Variants in ZNF385D observed in about 807,000 individuals in gnomAD.
The protein encoded by ZNF385D is zinc finger protein 659.
Under a neutral mutation model 35.8 loss-of-function variants are expected in ZNF385D, and 15 were observed. The ratio of observed to expected loss-of-function variants is 0.42; its 90% CI spans 0.28 to 0.64. The LOEUF (loss-of-function observed/expected upper bound fraction) is 0.64, where lower values mean the gene tolerates loss of function less well. Among genes scored for constraint, ZNF385D ranks in the 30% least tolerant of loss-of-function variants. The pLI is 0.23. For missense variants in ZNF385D, 474 were observed against 494.6 expected (o/e 0.96, Z 0.39); for synonymous variants, 212 against 186.8 (o/e 1.13, Z -1.10).
intron 3 of ZNF385D, among the ~76,000 whole-genome samples, chr3:22,082,807 G>A (rs920867707): frequency 3.9e-5 from 6 of 152,112 alleles, no homozygotes; most frequent in East Asian, 1.9e-4. Flanking sequence ...AGTAGGGGCC[G>A]ACTGACACCT....
intron 3 of ZNF385D, among the ~76,000 whole-genome samples, chr3:22,107,813 G>A (rs1365549993): frequency 6.6e-6 from 1 of 151,820 alleles, no homozygotes; most frequent in Non-Finnish European, 1.5e-5. Flanking sequence ...GCTTGTTTAT[G>A]TCTATATTTA....
At chr3:21,509,201 TAA>T (rs1042322524) in intron 4 of ZNF385D, among the ~76,000 whole-genome samples, 5 of 152,140 alleles carry the variant, frequency 3.3e-5, no homozygotes, top group African/African-American at 1.2e-4. Context: ...ATTGTTGATT[TAA>T]AAAGTCTAAA....
intron 3 of ZNF385D, among the ~76,000 whole-genome samples, chr3:22,033,166 C>T (rs1698104562): frequency 6.6e-6 from 1 of 152,034 alleles, no homozygotes. Flanking sequence ...CTTTAGGAGG[C>T]TGAGGCAGGT....
chr3:21,980,796 T>C (rs921672451), intron 3 of ZNF385D, among the ~76,000 whole-genome samples: 3 of 152,174 alleles, frequency 2.0e-5, no homozygotes, highest in African/African-American at 7.2e-5. Flanking sequence ...GGCTCCCACT[T>C]ATAAGTGAGA....
chr3:21,823,614 T>C (rs186569071), intron 3 of ZNF385D, among the ~76,000 whole-genome samples: 4 of 152,302 alleles, frequency 2.6e-5, no homozygotes, highest in East Asian at 3.9e-4. Context: ...GGTGATAATT[T>C]TGCACACAGT....
chr3:22,042,023 T>A (rs941332764), intron 3 of ZNF385D, among the ~76,000 whole-genome samples: 1 of 152,182 alleles, frequency 6.6e-6, no homozygotes, highest in Non-Finnish European at 1.5e-5. Flanking sequence ...TGTGTTTTAA[T>A]AGGAGAAACA....
chr3:21,826,774 C>T (rs1694664272), intron 3 of ZNF385D, among the ~76,000 whole-genome samples: 1 of 147,622 alleles, frequency 6.8e-6, no homozygotes, highest in African/African-American at 2.5e-5. Context: ...CTCTACTGTT[C>T]ACATAAACAG....
At chr3:21,663,134 CA>C (rs1337643383) in intron 2 of ZNF385D, among the ~76,000 whole-genome samples, 9 of 152,194 alleles carry the variant, frequency 5.9e-5, no homozygotes, top group Middle Eastern at 3.4e-3. Context: ...AAAAAACCCA[CA>C]AATCTCTGAA....
intron 3 of ZNF385D, among the ~76,000 whole-genome samples, chr3:22,123,713 T>C (rs868493344): frequency 2.0e-5 from 3 of 151,902 alleles, no homozygotes; most frequent in Non-Finnish European, 4.4e-5. Flanking sequence ...GTACAAAAAT[T>C]AGCTGGGTGT....
chr3:21,962,199 T>C (rs1702637068), intron 3 of ZNF385D, among the ~76,000 whole-genome samples: 1 of 152,068 alleles, frequency 6.6e-6, no homozygotes, highest in South Asian at 2.1e-4. Context: ...TGATTATGTA[T>C]TTGGCTAGAA....
At chr3:22,101,895 G>A (rs546101399) in intron 3 of ZNF385D, among the ~76,000 whole-genome samples, 2 of 151,594 alleles carry the variant, frequency 1.3e-5, no homozygotes, top group Non-Finnish European at 2.9e-5. Flanking sequence ...GCCCAGGGAG[G>A]CAAAGTGATT....
intron 3 of ZNF385D, among the ~76,000 whole-genome samples, chr3:21,925,961 A>G (rs966262475): frequency 1.3e-5 from 2 of 152,248 alleles, no homozygotes; most frequent in South Asian, 2.1e-4. Context: ...TGGCTAAGTA[A>G]AAAAATAGTG....
intron 2 of ZNF385D, among the ~76,000 whole-genome samples, chr3:22,187,618 T>G (rs2125789127): frequency 6.6e-6 from 1 of 152,264 alleles, no homozygotes; most frequent in East Asian, 1.9e-4. Context: ...TGAGGAATAC[T>G]TACACATTTT....
chr3:21,773,279 C>A (rs147091130), intron 3 of ZNF385D, among the ~76,000 whole-genome samples: 1 of 151,784 alleles, frequency 6.6e-6, no homozygotes, highest in Non-Finnish European at 1.5e-5. Flanking sequence ...CCATTTTGTG[C>A]TTTTATACCT....
At chr3:21,488,208 A>C (rs1350752587) in intron 4 of ZNF385D, among the ~76,000 whole-genome samples, 1 of 151,846 alleles carries the variant, frequency 6.6e-6, no homozygotes, top group Non-Finnish European at 1.5e-5. Context: ...CATGTACTTC[A>C]ATGAGGATTA....
intron 1 of ZNF385D, among the ~76,000 whole-genome samples, chr3:21,674,231 G>A (rs941610125): frequency 1.3e-5 from 2 of 152,008 alleles, no homozygotes; most frequent in East Asian, 3.9e-4. Flanking sequence ...TGACCTTTAC[G>A]AGCCATTTAA....
At chr3:21,602,957 T>G (rs1218285188) in intron 2 of ZNF385D, among the ~76,000 whole-genome samples, 1 of 152,186 alleles carries the variant, frequency 6.6e-6, no homozygotes, top group Non-Finnish European at 1.5e-5. Flanking sequence ...AAAAGATCTG[T>G]TTACTGTTTA....
rs2068674980 is a variant in ZNF385D at position 21,724,494 on chromosome 3, A to ACC, written c.22+26400_22+26401insGG. 9.7e-5 allele frequency among the ~76,000 whole-genome samples: 7 copies of ACC among 71,900 alleles called. 1 individual carries two copies. The highest frequency in any genetic ancestry group is 5.5e-4 in the East Asian group (1 of 1,822). The allele number at this position is 71,900 out of a possible 152,430, so 47.2% of individuals were successfully genotyped here. ...TGGAAAGCCAAAAAAAAAAAAAAAAAAAAAAAAAAAAAAAAAAAAAAAAAG... is the reference window on the plus strand; with the variant it reads ...TGGAAAGCCAAAAAAAAAAAAAAAAACCAAAAAAAAAAAAAAAAAAAAAAAAG... On this transcript the variant is annotated intron_variant, in intron 1 of 7. Transcript: ENST00000281523.
At chr3:21,554,181 T>C (rs1400813024) in intron 3 of ZNF385D, among the ~76,000 whole-genome samples, 2 of 152,124 alleles carry the variant, frequency 1.3e-5, no homozygotes, top group Non-Finnish European at 2.9e-5. Context: ...ATATATTTCT[T>C]AAATAATAAG....
Sources: allele counts gnomAD v4.1 joint callset (sites outside exome capture counted in the v4.1 genomes callset), GRCh38; gene constraint gnomAD v4.1.1; transcripts MANE v1.5; gene names NCBI Gene and HGNC (gene_info 2026-07-23, HGNC 2026-07-21).